ABCG5: variants seen among roughly 807,000 people sequenced by gnomAD.
The protein encoded by ABCG5 is ATP binding cassette subfamily G member 5.
ABCG5 carries 64 observed loss-of-function variants against 64.5 expected under a neutral mutation model. The observed-to-expected ratio is 0.99, with a 90% CI of 0.81 to 1.22. The LOEUF is 1.22. ABCG5 is among the 50% of genes most tolerant of loss of function. The probability of loss-of-function intolerance (pLI) is 0.00; values close to 1 mark genes in which losing one functional copy is unlikely to be tolerated. For synonymous variants in ABCG5, 385 were observed against 326.3 expected, an observed-to-expected ratio of 1.18 and a Z score of -1.94; for missense variants, 908 against 829.5, an observed-to-expected ratio of 1.09 and a Z score of -1.16.
At chr2:43,812,298 T>C (rs992976799), downstream of ABCG5, among the ~76,000 whole-genome samples, 4 of 151,530 alleles carry the variant, frequency 2.6e-5, no homozygotes, top group Non-Finnish European at 4.4e-5. Flanking sequence ...GCATATACTT[T>C]AGTAAAGTTT....
upstream of ABCG5, chr2:43,839,079 G>C: frequency 6.4e-7 from 1 of 1,551,220 alleles, no homozygotes; most frequent in Non-Finnish European, 8.7e-7. Flanking sequence ...GCAGAGGAGA[G>C]AGGGCTGCCG....
chr2:43,823,491 T>C (rs1401925092), intron 9 of ABCG5, among the ~76,000 whole-genome samples: 1 of 152,174 alleles, frequency 6.6e-6, no homozygotes, highest in Non-Finnish European at 1.5e-5. Context: ...AACCAGGTTT[T>C]GTCTCTGGAA....
the ABCG5 span, among the ~76,000 whole-genome samples, chr2:43,806,371 G>C: frequency 1.7e-4 from 26 of 152,208 alleles, no homozygotes; most frequent in African/African-American, 6.0e-4. Flanking sequence ...TCAGCTGGGA[G>C]TAGGAGCCAG....
At position 43,838,541 on chromosome 2, in the gene ABCG5, C is replaced by A. The variant is rs72542426; in HGVS notation, c.139G>T (p.Val47Phe). ...SLGILHASYSVSHRVRPWWDI... is the reference protein window; with the variant it reads ...SLGILHASYSFSHRVRPWWDI... Reference sequence around the variant, plus strand: ...GCAGCAAGGGCTCTGCCTTACCTGACGCTGTAGGAGGCATGGAGGATGCCC... The same window carrying A: ...GCAGCAAGGGCTCTGCCTTACCTGAAGCTGTAGGAGGCATGGAGGATGCCC... Residue 47 changes from valine (V) to phenylalanine (F), a missense_variant, in exon 1 of 13, where the codon GTC becomes TTC. Coordinates refer to ENST00000405322, the MANE Select transcript of ABCG5 (RefSeq NM_022436.3). The surrounding 1 kb of genome is among the most constrained non-coding windows in gnomAD (Gnocchi z 4.2). The A allele has an allele frequency of 5.2e-4, 838 of 1,602,510 alleles. 1 individual carries two copies. The African/African-American group carries it at 8.9e-3, about 17-fold the overall frequency.
At chr2:43,814,094 C>G (rs1394962592) in intron 12 of ABCG5, among the ~76,000 whole-genome samples, 1 of 151,996 alleles carries the variant, frequency 6.6e-6, no homozygotes, top group Non-Finnish European at 1.5e-5. Context: ...TAGACTTTTG[C>G]CAAAAGTAGC....
intron 9 of ABCG5, 90 bp from the exon 10 acceptor site, chr2:43,823,025 G>GGCT (rs1282529893): frequency 6.4e-7 from 1 of 1,555,224 alleles, no homozygotes; most frequent in African/African-American, 1.4e-5. Flanking sequence ...GGTCTGTCAG[G>GGCT]GCTGGATGGT....
Position 43,819,904 on chromosome 2 carries a change from T to C in ABCG5, c.1649+11A>G. 6.2e-7 allele frequency: 1 copy of C among 1,614,046 alleles called. No individual in the cohort carries two copies. The highest frequency in any genetic ancestry group is 8.5e-7 in the Non-Finnish European group (1 of 1,179,912). On this transcript the variant is annotated intron_variant, in intron 11 of 12. Transcript: ENST00000405322. ...ATCCCAATCTAAATTTTTTGAATTA[T>C]GATATCTTACCTGAGGAATCCAGAT...
chr2:43,828,248 C>T lies in ABCG5; in HGVS notation c.502-133G>A, dbSNP rs17031687. The T allele has an allele frequency of 0.016, 19,093 of 1,170,840 alleles. 2,249 individuals are homozygous for T. The African/African-American group carries it at 0.26, about 16-fold the overall frequency. 72.5% of individuals were successfully genotyped at this position (1,170,840 alleles called of 1,614,324 possible). ...GGGCCACTTCCAGACTCACCACACC[C>T]TGGGGAAAGCATGTCTTTGATAATA... On this transcript the variant is annotated intron_variant, in intron 4 of 12. Transcript: ENST00000405322.
chr2:43,827,109 G>A (rs1368431211), intron 5 of ABCG5, among the ~76,000 whole-genome samples: 17 of 152,166 alleles, frequency 1.1e-4, no homozygotes, highest in Admixed American at 1.1e-3. Context: ...CAGATCACCT[G>A]AGGTCAGGAG....
At chr2:43,813,707 TC>T (rs772922157) in intron 12 of ABCG5, among the ~76,000 whole-genome samples, 10 of 123,582 alleles carry the variant, frequency 8.1e-5, no homozygotes, top group African/African-American at 1.7e-4. Context: ...GTTTTTTTTT[TC>T]GTTTTTTTTT....
Position 43,838,076 on chromosome 2 carries a change from G to T in ABCG5, c.144-121C>A. 7.2e-7 allele frequency: 1 copy of T among 1,387,498 alleles called. No homozygotes were observed. Among genetic ancestry groups the T allele is most frequent in the Non-Finnish European group, 1.0e-6 (1 of 995,466 alleles). The allele number at this position is 1,387,498 out of a possible 1,614,324, so 85.9% of individuals were successfully genotyped here. A position where few individuals can be genotyped will look rare whatever the true frequency, so the allele number is the denominator to read the frequency against. The stretch of plus-strand genomic sequence containing the variant: ...AGTAGTCTCCGGACAGGCTCCTAAC[G>T]TGTTTCAGTCTCTGCGCCCTCCTCT... On this transcript the variant is annotated intron_variant, in intron 1 of 12. Coordinates refer to ENST00000405322, the MANE Select transcript of ABCG5 (RefSeq NM_022436.3). This position sits in a 1 kb window ranked among gnomAD's most constrained non-coding sequence, Gnocchi z 4.2.
At position 43,815,047 on chromosome 2, in the gene ABCG5, G is replaced by A. The variant is rs77055282; in HGVS notation, c.1650-458C>T. Reference sequence around the variant, plus strand: ...TTTGGTAAGCACTACTGATATAAACGTACAAGAAAATACAGACCTAACACA... The same window carrying A: ...TTTGGTAAGCACTACTGATATAAACATACAAGAAAATACAGACCTAACACA... On this transcript the variant is annotated intron_variant, in intron 11 of 12. Transcript: ENST00000405322. Among the ~76,000 whole-genome samples, 86 of 152,216 alleles carry A rather than the reference G, an allele frequency of 5.6e-4. No individual in the cohort carries two copies. In the East Asian group the frequency reaches 0.015, roughly 26 times the overall value.
At chr2:43,813,689 T>C (rs1666612899) in intron 12 of ABCG5, among the ~76,000 whole-genome samples, 1 of 149,020 alleles carries the variant, frequency 6.7e-6, no homozygotes, top group Non-Finnish European at 1.5e-5. Flanking sequence ...TTTTTTGTTT[T>C]TTTTGGGGTT....
downstream of ABCG5, among the ~76,000 whole-genome samples, chr2:43,807,606 A>AT (rs1666310838): frequency 6.6e-6 from 1 of 151,612 alleles, no homozygotes; most frequent in Non-Finnish European, 1.5e-5. Context: ...TGCCCGGGTA[A>AT]TTTTTTTGTT....
At chr2:43,818,172 T>C (rs1489112755) in intron 11 of ABCG5, among the ~76,000 whole-genome samples, 1 of 151,884 alleles carries the variant, frequency 6.6e-6, no homozygotes, top group Non-Finnish European at 1.5e-5. Flanking sequence ...AGTTTCTAGG[T>C]TGGCTGCGGT....
At position 43,835,732 on chromosome 2, in the gene ABCG5, C is replaced by T. The variant is rs142907376; in HGVS notation, c.265+2102G>A. ...TCAGATGAATGCCTCAGAGACCCCT[C>T]CCCACTTCTGCCATGCAAGGTTAGG... On this transcript the variant is annotated intron_variant, in intron 2 of 12. Transcript: ENST00000405322. Among the ~76,000 whole-genome samples, 6 of 152,252 alleles carry T rather than the reference C, an allele frequency of 3.9e-5. No homozygotes were observed. In the East Asian group the frequency reaches 1.2e-3, roughly 29 times the overall value.
At chr2:43,822,452 T>C in intron 10 of ABCG5, 1 of 917,752 alleles carries the variant, frequency 1.1e-6, no homozygotes, top group Non-Finnish European at 1.3e-6. Flanking sequence ...GGTTTTACAT[T>C]CAGGCTGCTT....
intron 2 of ABCG5, among the ~76,000 whole-genome samples, chr2:43,837,581 A>T (rs1012461078): frequency 1.3e-5 from 2 of 152,136 alleles, no homozygotes; most frequent in Non-Finnish European, 2.9e-5. Flanking sequence ...GAGTACTTTT[A>T]TATGCCATGG....
At chr2:43,822,522 C>G in intron 10 of ABCG5, 2 of 982,636 alleles carry the variant, frequency 2.0e-6, no homozygotes, top group Non-Finnish European at 2.4e-6. Context: ...AGAGTCCTCT[C>G]TTCTCTGGCC....
Sources: allele counts gnomAD v4.1 joint callset (sites outside exome capture counted in the v4.1 genomes callset), GRCh38; gene constraint gnomAD v4.1.1; non-coding constraint Gnocchi (gnomAD v3.1); transcripts MANE v1.5; gene names NCBI Gene and HGNC (gene_info 2026-07-23, HGNC 2026-07-21).